The following COBLL1 variants were observed in gnomAD, a reference collection of about 807,000 sequenced individuals.
COBLL1 encodes cordon-bleu protein-like 1.
Under a neutral mutation model 94.8 loss-of-function variants are expected in COBLL1, and 50 were observed. The ratio of observed to expected loss-of-function variants is 0.53; its 90% confidence interval spans 0.42 to 0.67. COBLL1 has a LOEUF of 0.67. Ranked by LOEUF, COBLL1 falls within the 30% of genes least tolerant of loss-of-function variation. COBLL1 has a pLI of 0.00. For synonymous variants in COBLL1, 448 were observed against 473.8 expected (o/e 0.95, Z 0.71); for missense variants, 1,362 against 1,348.7 (o/e 1.01, Z -0.15).
At chr2:164,679,408 T>C (rs751270982), downstream of COBLL1, among the ~76,000 whole-genome samples, 13 of 152,112 alleles carry the variant, frequency 8.5e-5, no homozygotes, top group Non-Finnish European at 1.6e-4. Context: ...AAACGTAATT[T>C]ATGAGGTACT....
rs1224525776 is a variant in COBLL1 at position 164,728,069 on chromosome 2, T to C, written c.561A>G (p.Thr187=). 1.2e-6 allele frequency: 2 copies of C among 1,613,804 alleles called. No individual in the cohort carries two copies. Among genetic ancestry groups the C allele is most frequent in the African/African-American group, 1.3e-5 (1 of 75,036 alleles). Residue 187 remains threonine (T), a synonymous_variant, in exon 5 of 14, where the codon ACA becomes ACG. Coordinates refer to ENST00000652658, the MANE Select transcript of COBLL1 (RefSeq NM_001365672.2). ...CSKCEFDPLH[T]LLLKDYQSQE... is the part of the protein sequence containing the mutation. Reference sequence around the variant, plus strand: ...GCGATTGATAATCTTTCAACAATAGTGTATGCAACGGATCAAACTCACATT... The same window carrying C: ...GCGATTGATAATCTTTCAACAATAGCGTATGCAACGGATCAAACTCACATT...
chr2:164,784,804 G>A (rs187426039), intron 2 of COBLL1, among the ~76,000 whole-genome samples: 1 of 152,030 alleles, frequency 6.6e-6, no homozygotes, highest in East Asian at 1.9e-4. Context: ...GATTCCACTG[G>A]TACTAGAGCC....
At position 164,704,127 on chromosome 2, in the gene COBLL1, G is replaced by A. The variant is rs964548704; in HGVS notation, c.1225+317C>T. Among the ~76,000 whole-genome samples the A allele has an allele frequency of 4.6e-5, 7 of 152,000 alleles. No individual in the cohort carries two copies. The East Asian group carries it at 1.2e-3, about 25-fold the overall frequency. On this transcript the variant is annotated intron_variant, in intron 9 of 13. Coordinates refer to ENST00000652658, the MANE Select transcript of COBLL1 (RefSeq NM_001365672.2). ...CACACCAAGGTACATTCCTAATTACGGTGTGTCATTACACTTGGGAAGGAG... is the reference window on the plus strand; with the variant it reads ...CACACCAAGGTACATTCCTAATTACAGTGTGTCATTACACTTGGGAAGGAG...
chr2:164,770,331 T>C, intron 2 of COBLL1, among the ~76,000 whole-genome samples: 1 of 152,084 alleles, frequency 6.6e-6, no homozygotes, highest in African/African-American at 2.4e-5. Context: ...ACACAATACA[T>C]TATGTGAACC....
chr2:164,663,901 C>G (rs1691108509), intron 2 of COBLL1, among the ~76,000 whole-genome samples: 1 of 152,156 alleles, frequency 6.6e-6, no homozygotes, highest in East Asian at 1.9e-4. Context: ...CACAGTATAC[C>G]ATTGTAACAG....
intron 2 of COBLL1, among the ~76,000 whole-genome samples, chr2:164,791,583 G>A (rs181060780): frequency 5.9e-5 from 9 of 152,170 alleles, no homozygotes; most frequent in Admixed American, 5.2e-4. Flanking sequence ...GTCTTCCTGC[G>A]TGCCTGCCTG....
At position 164,841,746 on chromosome 2, in the gene COBLL1, C is replaced by G. The variant is rs1683635791; in HGVS notation, c.-87G>C. The stretch of plus-strand genomic sequence containing the variant: ...AAGGAGACAGTAGCTCGCCTGTTCT[C>G]CCTCGCGGCTTCCTCTCCTACTCTT... On this transcript the variant is annotated 5_prime_UTR_variant, in exon 1 of 14. Transcript: ENST00000652658. This position sits in a 1 kb window ranked among gnomAD's most constrained non-coding sequence, Gnocchi z 5.5. The G allele has an allele frequency of 1.9e-6, 1 of 536,988 alleles. No homozygotes were observed. Among genetic ancestry groups the G allele is most frequent in the Middle Eastern group, 5.0e-4 (1 of 2,014 alleles). 33.3% of individuals were successfully genotyped at this position (536,988 alleles called of 1,614,324 possible).
chr2:164,770,078 T>G lies in COBLL1; in HGVS notation c.42-26203A>C, dbSNP rs547711517. Among the ~76,000 whole-genome samples, 15 of 152,294 alleles carry G rather than the reference T, an allele frequency of 9.8e-5. No individual in the cohort carries two copies. In the South Asian group the frequency reaches 2.7e-3, roughly 27 times the overall value. On this transcript the variant is annotated intron_variant, in intron 2 of 13. Coordinates refer to ENST00000652658, the MANE Select transcript of COBLL1 (RefSeq NM_001365672.2). The stretch of plus-strand genomic sequence containing the variant: ...TAATTATTACCACAACACTGTGAGT[T>G]GTTGTTTTGTAATTTACAGGACAAA...
At chr2:164,713,305 G>A (rs1037433444) in intron 7 of COBLL1, among the ~76,000 whole-genome samples, 6 of 152,136 alleles carry the variant, frequency 3.9e-5, no homozygotes, top group African/African-American at 1.2e-4. Flanking sequence ...TGGCATGTCA[G>A]ATCCCAGACA....
intron 2 of COBLL1, among the ~76,000 whole-genome samples, chr2:164,757,395 A>T (rs949996932): frequency 1.3e-5 from 2 of 152,246 alleles, no homozygotes; most frequent in Admixed American, 6.5e-5. Flanking sequence ...AAGTTTAATA[A>T]TAAGTGTTTC....
intron 9 of COBLL1, chr2:164,703,050 A>G: frequency 1.0e-6 from 1 of 976,376 alleles, no homozygotes; most frequent in Non-Finnish European, 1.6e-6. Context: ...ACAGTCGATG[A>G]TATCTTAACC....
intron 2 of COBLL1, among the ~76,000 whole-genome samples, chr2:164,776,917 T>C (rs355879): frequency 0.24 from 36,101 of 151,970 alleles, 5,047 homozygotes; most frequent in African/African-American, 0.38. Flanking sequence ...AAAATAAACA[T>C]TGTTTTGGAA....
At chr2:164,842,044 T>C (rs1235580955), upstream of COBLL1, 7 of 1,532,094 alleles carry the variant, frequency 4.6e-6, no homozygotes, top group East Asian at 7.5e-5. Flanking sequence ...CTCGGCGGCA[T>C]TGGAGCGAGG....
At chr2:164,702,431 G>A (rs1438992378) in intron 9 of COBLL1, among the ~76,000 whole-genome samples, 1 of 151,426 alleles carries the variant, frequency 6.6e-6, no homozygotes, top group Admixed American at 6.6e-5. Flanking sequence ...AGGTGTGGTG[G>A]CGGGCGCCTG....
chr2:164,694,349 G>C lies in COBLL1; in HGVS notation c.3043C>G (p.Pro1015Ala), dbSNP rs1424649074. Residue 1015 changes from proline (P) to alanine (A), a missense_variant, in exon 12 of 14, where the codon CCT becomes GCT. By Grantham distance (27) the Pro-to-Ala change is conservative (BLOSUM62 -1). Coordinates refer to ENST00000652658, the MANE Select transcript of COBLL1 (RefSeq NM_001365672.2). ...TTCCCTTCCTCTGTGTTGGCTGGAG[G>C]TTGGACCAATGCACTGGCACTAGGT... ...ESPSASALVQ[P>A]PANTEEGKTH... The C allele has an allele frequency of 1.2e-6, 2 of 1,613,838 alleles. No individual in the cohort carries two copies. Among genetic ancestry groups the C allele is most frequent in the African/African-American group, 2.7e-5 (2 of 74,872 alleles).
At chr2:164,710,557 A>C (rs1684838738) in intron 7 of COBLL1, among the ~76,000 whole-genome samples, 1 of 138,692 alleles carries the variant, frequency 7.2e-6, no homozygotes, top group South Asian at 2.2e-4. Context: ...ATCCCTAAGC[A>C]GCAGCATTCT....
At chr2:164,736,226 A>G (rs1686301394) in intron 3 of COBLL1, among the ~76,000 whole-genome samples, 1 of 152,124 alleles carries the variant, frequency 6.6e-6, no homozygotes, top group Non-Finnish European at 1.5e-5. Context: ...AAATTTTAAA[A>G]CATTCTCTAT....
At chr2:164,664,090 C>T (rs530434608) in intron 2 of COBLL1, among the ~76,000 whole-genome samples, 1 of 152,280 alleles carries the variant, frequency 6.6e-6, no homozygotes, top group South Asian at 2.1e-4. Flanking sequence ...GACAGCTTCC[C>T]ATTTTGCAGA....
intron 2 of COBLL1, among the ~76,000 whole-genome samples, chr2:164,834,344 T>C (rs1462661277): frequency 1.3e-5 from 2 of 152,178 alleles, no homozygotes; most frequent in Non-Finnish European, 1.5e-5. Context: ...AAGTCTGGAA[T>C]TCTCTTTAAA....
Sources: gnomAD v4.1 joint callset for allele counts (sites outside exome capture counted in the v4.1 genomes callset) on GRCh38, gnomAD v4.1.1 for gene constraint, Gnocchi (gnomAD v3.1) non-coding constraint, MANE v1.5 for transcripts, NCBI Gene and HGNC (gene_info 2026-07-23, HGNC 2026-07-21) for gene names.